HTR2A: variants seen among roughly 807,000 people sequenced by gnomAD.
The protein encoded by HTR2A is 5-HT2 receptor.
Under a neutral mutation model 31.0 loss-of-function variants are expected in HTR2A, and 14 were observed. The ratio of observed to expected loss-of-function variants is 0.45; its 90% CI spans 0.30 to 0.71. The LOEUF (loss-of-function observed/expected upper bound fraction) is 0.71, where lower values mean the gene tolerates loss of function less well. Ranked by LOEUF, HTR2A falls within the 30% of genes least tolerant of loss-of-function variation. The pLI is 0.09. For missense variants in HTR2A, 442 were observed against 573.3 expected, an observed-to-expected ratio of 0.77 and a Z score of 2.34; for synonymous variants, 209 against 225.2, an observed-to-expected ratio of 0.93 and a Z score of 0.64.
intron 3 of HTR2A, among the ~76,000 whole-genome samples, chr13:46,891,728 C>T (rs941068999): frequency 2.6e-5 from 4 of 152,328 alleles, no homozygotes; most frequent in Admixed American, 6.5e-5. Flanking sequence ...GCCTGAGACC[C>T]GCCCCCTTAG....
intron 3 of HTR2A, among the ~76,000 whole-genome samples, chr13:46,882,229 T>TA (rs10648117): frequency 0.059 from 8,799 of 148,068 alleles, 283 homozygotes; most frequent in African/African-American, 0.096. Flanking sequence ...TCAGGGAAGT[T>TA]AAAAAAAAAA....
intron 2 of HTR2A, among the ~76,000 whole-genome samples, chr13:46,894,610 G>A (rs1371797910): frequency 5.3e-5 from 8 of 152,152 alleles, no homozygotes. Flanking sequence ...TTTAAAGATA[G>A]CTATCATAAC....
At chr13:46,839,222 A>G (rs1279799965) in intron 3 of HTR2A, among the ~76,000 whole-genome samples, 1 of 152,184 alleles carries the variant, frequency 6.6e-6, no homozygotes, top group East Asian at 1.9e-4. Context: ...TCATCTTTAC[A>G]TATAACAAAA....
chr13:46,847,248 C>T (rs1008976004), intron 3 of HTR2A, among the ~76,000 whole-genome samples: 1 of 152,198 alleles, frequency 6.6e-6, no homozygotes, highest in Non-Finnish European at 1.5e-5. Flanking sequence ...GATAGTTCTG[C>T]TAGGATTTCT....
At chr13:46,890,285 G>A (rs1403587353) in intron 3 of HTR2A, among the ~76,000 whole-genome samples, 3 of 152,224 alleles carry the variant, frequency 2.0e-5, no homozygotes, top group Admixed American at 6.5e-5. Flanking sequence ...GGAGGTTGCG[G>A]TGAGCCAAGA....
chr13:46,882,285 G>T (rs187750595), intron 3 of HTR2A, among the ~76,000 whole-genome samples: 1 of 151,226 alleles, frequency 6.6e-6, no homozygotes, highest in Non-Finnish European at 1.5e-5. Context: ...TTAATTAAAA[G>T]TATGTTGTGG....
intron 3 of HTR2A, among the ~76,000 whole-genome samples, chr13:46,858,979 C>G (rs1159433104): frequency 6.6e-6 from 1 of 152,190 alleles, no homozygotes; most frequent in South Asian, 2.1e-4. Flanking sequence ...CTGCAAGGAA[C>G]AGCAATTTTA....
At chr13:46,876,462 T>C (rs1593440006) in intron 3 of HTR2A, among the ~76,000 whole-genome samples, 1 of 140,410 alleles carries the variant, frequency 7.1e-6, no homozygotes, top group Admixed American at 7.9e-5. Flanking sequence ...CAGGCTGGAG[T>C]GCAGTGGCGC....
chr13:46,886,751 A>G (rs1448116526), intron 3 of HTR2A, among the ~76,000 whole-genome samples: 2 of 152,172 alleles, frequency 1.3e-5, no homozygotes, highest in South Asian at 2.1e-4. Context: ...AGGTAATACT[A>G]TGAGCTACCT....
At chr13:46,881,106 T>G (rs996548367) in intron 3 of HTR2A, among the ~76,000 whole-genome samples, 2 of 152,206 alleles carry the variant, frequency 1.3e-5, no homozygotes, top group East Asian at 3.8e-4. Flanking sequence ...GACATGTCTT[T>G]CAAGAGCAGA....
At chr13:46,872,963 T>TCACTGAAAC (rs1185610082) in intron 3 of HTR2A, among the ~76,000 whole-genome samples, 2 of 152,166 alleles carry the variant, frequency 1.3e-5, no homozygotes, top group African/African-American at 4.8e-5. Flanking sequence ...TGATCTCAGC[T>TCACTGAAAC]CACTGAAACC....
intron 3 of HTR2A, among the ~76,000 whole-genome samples, chr13:46,860,567 A>C (rs1044334333): frequency 6.6e-6 from 1 of 152,156 alleles, no homozygotes; most frequent in Non-Finnish European, 1.5e-5. Context: ...TCAAACTTCA[A>C]CTGCGAATAT....
Position 46,892,471 on chromosome 13 carries a change from G to A in HTR2A, c.532C>T (p.Gln178Ter). 6.2e-7 allele frequency: 1 copy of A among 1,614,244 alleles called. No individual in the cohort carries two copies. The highest frequency in any genetic ancestry group is 8.5e-7 in the Non-Finnish European group (1 of 1,180,046). Reference protein sequence around the residue: ...AISLDRYVAIQNPIHHSRFNS... With the variant: ...AISLDRYVAI ...AAGCGGCTGTGGTGGATGGGATTCTGGATGGCGACGTAGCGGTCCAGCGAG... is the reference window on the plus strand; with the variant it reads ...AAGCGGCTGTGGTGGATGGGATTCTAGATGGCGACGTAGCGGTCCAGCGAG... Residue 178 changes from glutamine (Q) to a stop codon, truncating the protein, a stop_gained, in exon 3 of 4, where the codon CAG becomes TAG. Transcript: ENST00000542664. LOFTEE classifies it high-confidence loss of function.
chr13:46,879,686 T>C (rs1321360513), intron 3 of HTR2A, among the ~76,000 whole-genome samples: 2 of 152,046 alleles, frequency 1.3e-5, no homozygotes, highest in East Asian at 3.9e-4. Flanking sequence ...TCAAAGGCTG[T>C]AAAAAGGACC....
rs1391427917 is a variant in HTR2A at position 46,832,244 on chromosome 13, T to C, written c.*2593A>G. 6.6e-6 allele frequency: 1 copy of C among 152,256 alleles called. No individual in the cohort carries two copies. Among genetic ancestry groups the C allele is most frequent in the Non-Finnish European group, 1.5e-5 (1 of 68,044 alleles). 9.4% of individuals were successfully genotyped at this position (152,256 alleles called of 1,614,324 possible). A position where few individuals can be genotyped will look rare whatever the true frequency, so the allele number is the denominator to read the frequency against. ...GTCATAGAAATATTAGAACATGAATTCACATTTAAATAAACATGATACAAA... is the reference window on the plus strand; with the variant it reads ...GTCATAGAAATATTAGAACATGAATCCACATTTAAATAAACATGATACAAA... On this transcript the variant is annotated 3_prime_UTR_variant, in exon 4 of 4. Transcript: ENST00000542664.
chr13:46,871,035 T>C (rs879859355), intron 3 of HTR2A, among the ~76,000 whole-genome samples: 2 of 152,362 alleles, frequency 1.3e-5, no homozygotes, highest in African/African-American at 2.4e-5. Context: ...CATTCCATTA[T>C]GCCAGAGCAA....
chr13:46,889,311 C>T (rs931433261), intron 3 of HTR2A, among the ~76,000 whole-genome samples: 5 of 151,472 alleles, frequency 3.3e-5, no homozygotes, highest in Admixed American at 3.3e-4. Flanking sequence ...AGCTAATAAC[C>T]CATGAAGGTA....
chr13:46,849,392 C>T (rs545103697), intron 3 of HTR2A, among the ~76,000 whole-genome samples: 14 of 152,310 alleles, frequency 9.2e-5, no homozygotes, highest in African/African-American at 2.6e-4. Context: ...CCATCCTTAC[C>T]TGTGTACCTC....
chr13:46,845,115 T>C (rs1436816088), intron 3 of HTR2A, among the ~76,000 whole-genome samples: 3 of 152,084 alleles, frequency 2.0e-5, no homozygotes, highest in Non-Finnish European at 2.9e-5. Context: ...AATATAATCA[T>C]GATGTCTAAG....
Sources: gnomAD v4.1 joint callset for allele counts (sites outside exome capture counted in the v4.1 genomes callset) on GRCh38, gnomAD v4.1.1 for gene constraint, MANE v1.5 for transcripts, NCBI Gene and HGNC (gene_info 2026-07-23, HGNC 2026-07-21) for gene names.